VWA8: variants seen among roughly 807,000 people sequenced by gnomAD.
The protein encoded by VWA8 is von Willebrand factor A domain-containing protein 8.
Under a neutral mutation model 241.5 loss-of-function variants are expected in VWA8, and 221 were observed. The ratio of observed to expected loss-of-function variants is 0.91; its 90% CI spans 0.82 to 1.02. The LOEUF (loss-of-function observed/expected upper bound fraction) is 1.02. VWA8 is among the 50% of genes least tolerant of loss of function. The pLI, the probability that VWA8 is intolerant of heterozygous loss-of-function variation, is 0.00. For synonymous variants in VWA8, 852 were observed against 827.1 expected (o/e 1.03, Z -0.52); for missense variants, 2,322 against 2,328.7 (o/e 1.00, Z 0.06).
chr13:41,730,880 G>T (rs1246094478), intron 22 of VWA8, among the ~76,000 whole-genome samples: 1 of 151,568 alleles, frequency 6.6e-6, no homozygotes, highest in Non-Finnish European at 1.5e-5. Context: ...AAACTTATAA[G>T]AAATTTCTTT....
Position 41,907,675 on chromosome 13 carries a change from C to A in VWA8, c.394G>T (p.Glu132Ter). The change falls in exon 4 of 45, where the codon GAA becomes TAA. Residue 132 changes from glutamate to a stop codon, truncating the protein, a stop_gained. Transcript: ENST00000379310. LOFTEE classifies it high-confidence loss of function. ...GTGTCCCTTGACAGGGCAATGTATT[C>A]GACCTCCCGTTTGGTCAGCTCCTGT... ...QYLELTKREVEYIALSRDTTE... is the reference protein window; with the variant it reads ...QYLELTKREV 1 of 1,614,086 alleles carries A rather than the reference C, an allele frequency of 6.2e-7. No homozygotes were observed. Among genetic ancestry groups the A allele is most frequent in the Non-Finnish European group, 8.5e-7 (1 of 1,179,968 alleles).
intron 9 of VWA8, among the ~76,000 whole-genome samples, chr13:41,882,946 C>CT (rs1874333986): frequency 6.7e-6 from 1 of 148,220 alleles, no homozygotes; most frequent in South Asian, 2.2e-4. Flanking sequence ...CATACTATCT[C>CT]TATCTATTTG....
intron 1 of VWA8, among the ~76,000 whole-genome samples, chr13:41,957,843 C>G (rs533172403): frequency 5.3e-5 from 8 of 151,926 alleles, no homozygotes; most frequent in Non-Finnish European, 8.8e-5. Context: ...ATAATAATGG[C>G]GTTAAAGGAA....
intron 2 of VWA8, among the ~76,000 whole-genome samples, chr13:41,924,090 AG>A (rs1294614825): frequency 6.6e-6 from 1 of 152,200 alleles, no homozygotes; most frequent in Non-Finnish European, 1.5e-5. Context: ...TGGCCTAAAA[AG>A]GAACTCAAAA....
rs146513011 is a variant in VWA8 at position 41,839,436 on chromosome 13, G to A, written c.1426-5905C>T. 4.1e-3 allele frequency among the ~76,000 whole-genome samples: 620 copies of A among 152,222 alleles called. 3 individuals carry two copies. Among genetic ancestry groups the A allele is most frequent in the Non-Finnish European group, 7.1e-3 (483 of 68,018 alleles). Reference sequence around the variant, plus strand: ...TGCAAAAATTTTCTCCCATTTTGTAGGTTGGCTGCTCACTCTGATGATAGT... The same window carrying A: ...TGCAAAAATTTTCTCCCATTTTGTAAGTTGGCTGCTCACTCTGATGATAGT... On this transcript the variant is annotated intron_variant, in intron 12 of 44. Transcript: ENST00000379310.
At chr13:41,604,008 G>A (rs1327255800) in intron 40 of VWA8, among the ~76,000 whole-genome samples, 1 of 152,034 alleles carries the variant, frequency 6.6e-6, no homozygotes, top group South Asian at 2.1e-4. Context: ...CTAATGCCTG[G>A]TGTGCATCGA....
At chr13:41,830,018 G>A (rs979044781) in intron 14 of VWA8, among the ~76,000 whole-genome samples, 21 of 152,084 alleles carry the variant, frequency 1.4e-4, no homozygotes, top group Non-Finnish European at 2.9e-4. Flanking sequence ...CAAGGCGGGC[G>A]GATCACGAGG....
chr13:41,591,702 A>G (rs866384378), intron 40 of VWA8, among the ~76,000 whole-genome samples: 102 of 148,664 alleles, frequency 6.9e-4, no homozygotes, highest in African/African-American at 2.4e-3. Context: ...GCAGCCAAAA[A>G]ACACATGAAA....
In VWA8 at chr13:41,816,705, T is replaced by C. The variant is rs1388102119; in HGVS notation, c.1940A>G (p.Asp647Gly). ...SFTHKLRETQDPTAQSLAASL... is the reference protein window; with the variant it reads ...SFTHKLRETQGPTAQSLAASL... The stretch of plus-strand genomic sequence containing the variant: ...GAAAAAGCCTAGACTTACCGTTGGA[T>C]CCTGTGTTTCTCTGAGTTTGTGTGT... Residue 647 changes from aspartate to glycine, a missense_variant, in exon 16 of 45, where the codon GAT (aspartate) becomes GGT (glycine). Asp to Gly is a moderately conservative substitution (Grantham distance 94). Coordinates refer to ENST00000379310, the MANE Select transcript of VWA8 (RefSeq NM_015058.2). The C allele has an allele frequency of 2.5e-6, 4 of 1,613,328 alleles. No individual in the cohort carries two copies. The African/African-American group carries it at 5.3e-5, about 22-fold the overall frequency.
At chr13:41,883,620 G>C in intron 8 of VWA8, 129 bp from the exon 9 acceptor site, 1 of 629,522 alleles carries the variant, frequency 1.6e-6, no homozygotes, top group Non-Finnish European at 2.7e-6. Flanking sequence ...TTTTCTGTAA[G>C]TCTACAAAAG....
chr13:41,730,054 G>A (rs536534100), intron 22 of VWA8, among the ~76,000 whole-genome samples: 1 of 152,276 alleles, frequency 6.6e-6, no homozygotes, highest in South Asian at 2.1e-4. Context: ...TATGAGGAGT[G>A]AGACATCACA....
chr13:41,800,988 A>G (rs911810571), intron 17 of VWA8, among the ~76,000 whole-genome samples: 1 of 152,150 alleles, frequency 6.6e-6, no homozygotes, highest in East Asian at 1.9e-4. Flanking sequence ...AAATGTTCTC[A>G]TGTTTTCTTT....
chr13:41,907,851 GAAAT>G (rs1875800306), intron 3 of VWA8, among the ~76,000 whole-genome samples, 155 bp from the exon 4 acceptor site: 1 of 152,174 alleles, frequency 6.6e-6, no homozygotes, highest in Non-Finnish European at 1.5e-5. Flanking sequence ...TGAGAAAAAA[GAAAT>G]AAATTGAACT....
At chr13:41,845,566 A>G (rs1251548425) in intron 12 of VWA8, among the ~76,000 whole-genome samples, 1 of 152,066 alleles carries the variant, frequency 6.6e-6, no homozygotes, top group East Asian at 1.9e-4. Context: ...GAAGCAAACT[A>G]GATGCACATC....
At chr13:41,653,659 T>C (rs542493749) in intron 37 of VWA8, among the ~76,000 whole-genome samples, 185 of 152,310 alleles carry the variant, frequency 1.2e-3, no homozygotes, top group African/African-American at 4.2e-3. Flanking sequence ...AACTTCAAAC[T>C]ATACTACAAG....
chr13:41,742,142 C>T (rs192844093), intron 21 of VWA8, among the ~76,000 whole-genome samples: 1 of 152,198 alleles, frequency 6.6e-6, no homozygotes, highest in Non-Finnish European at 1.5e-5. Flanking sequence ...TCCTCGTTGC[C>T]ATTTTGGAGT....
rs1322590813 is a variant in VWA8 at position 41,863,462 on chromosome 13, C to T, written c.1425+2274G>A. On this transcript the variant is annotated intron_variant, in intron 12 of 44. Transcript: ENST00000379310. ...ATATATATATATATATATTCACACA[C>T]ACACACACACTATATATATTAGTTC... Among the ~76,000 whole-genome samples, 239 of 124,838 alleles carry T rather than the reference C, an allele frequency of 1.9e-3. 9 individuals are homozygous for T. Among genetic ancestry groups the T allele is most frequent in the African/African-American group, 5.8e-3 (213 of 36,916 alleles). The allele number at this position is 124,838 out of a possible 152,430, so 81.9% of individuals were successfully genotyped here.
At chr13:41,922,000 A>G (rs1447187400) in intron 2 of VWA8, among the ~76,000 whole-genome samples, 1 of 152,218 alleles carries the variant, frequency 6.6e-6, no homozygotes, top group Non-Finnish European at 1.5e-5. Flanking sequence ...CAATAGAACA[A>G]AGCTGGAGGC....
rs759647286 is a variant in VWA8 at position 41,685,259 on chromosome 13, G to A, written c.4132-17C>T. On this transcript the variant is annotated splice_polypyrimidine_tract_variant and intron_variant, in intron 34 of 44. Coordinates refer to ENST00000379310, the MANE Select transcript of VWA8 (RefSeq NM_015058.2). ...ACTGGGTGACTGAAAAAAAGAAAGA[G>A]ATTAAAGTACTGAAGTACCATATAC... is the stretch of plus-strand genomic sequence containing the variant. 3 of 1,607,026 alleles carry A rather than the reference G, an allele frequency of 1.9e-6. No individual in the cohort carries two copies. Among genetic ancestry groups the A allele is most frequent in the East Asian group, 4.5e-5 (2 of 44,714 alleles).
Sources: gnomAD v4.1 joint callset for allele counts (sites outside exome capture counted in the v4.1 genomes callset) on GRCh38, gnomAD v4.1.1 for gene constraint, MANE v1.5 for transcripts, NCBI Gene and HGNC (gene_info 2026-07-23, HGNC 2026-07-21) for gene names.